The following MYT1L variants were observed in gnomAD, a reference collection of about 807,000 sequenced individuals.
The protein encoded by MYT1L is myelin transcription factor 1 like.
In MYT1L, 12 loss-of-function variants were observed where a neutral mutation model predicts 126.7. The observed-to-expected ratio is 0.09, with a 90% CI of 0.06 to 0.15. MYT1L has a LOEUF of 0.15. Ranked by LOEUF, MYT1L falls within the 10% of genes least tolerant of loss-of-function variation. The probability of loss-of-function intolerance (pLI) is 1.00; values close to 1 mark genes in which losing one functional copy is unlikely to be tolerated. For missense variants in MYT1L, 979 were observed against 1,585.2 expected (o/e 0.62, Z 6.49); for synonymous variants, 541 against 604.2 (o/e 0.90, Z 1.53).
chr2:1,797,684 C>T (rs76386191), intron 23 of MYT1L, among the ~76,000 whole-genome samples: 4,396 of 152,336 alleles, frequency 0.029, 123 homozygotes, highest in Middle Eastern at 0.082. Context: ...AAATTGGAAA[C>T]CTCATCTTCT....
chr2:1,834,888 G>T (rs111226657), intron 21 of MYT1L, among the ~76,000 whole-genome samples: 9 of 76,846 alleles, frequency 1.2e-4, no homozygotes, highest in East Asian at 6.7e-4. Flanking sequence ...CATACCATGG[G>T]GATGGATACA....
intron 4 of MYT1L, among the ~76,000 whole-genome samples, chr2:2,052,368 T>C (rs972512394): frequency 6.6e-6 from 1 of 152,186 alleles, no homozygotes; most frequent in African/African-American, 2.4e-5. Context: ...CTTCCTGACA[T>C]TGGATTTGGC....
intron 18 of MYT1L, among the ~76,000 whole-genome samples, chr2:1,865,373 G>A (rs10195387): frequency 0.057 from 8,663 of 152,240 alleles, 309 homozygotes; most frequent in Non-Finnish European, 0.072. Flanking sequence ...TGTGGCCAAA[G>A]AGCCCCGGAG....
At chr2:1,945,056 T>C (rs918241765) in intron 8 of MYT1L, among the ~76,000 whole-genome samples, 8 of 152,086 alleles carry the variant, frequency 5.3e-5, no homozygotes, top group Non-Finnish European at 1.2e-4. Context: ...CATGAACATA[T>C]GTAAGAACAC....
Position 1,922,268 on chromosome 2 carries a change from G to A in MYT1L, c.1483+18C>T, listed in dbSNP as rs377575088. 48 of 1,606,916 alleles carry A rather than the reference G, an allele frequency of 3.0e-5. No homozygotes were observed. The East Asian group carries it at 4.2e-4, about 14-fold the overall frequency. Reference sequence around the variant, plus strand: ...CTCATGTTTTCATGAGGCAACTTACGTTAGGTAGAAATATTACCTTTACCA... The same window carrying A: ...CTCATGTTTTCATGAGGCAACTTACATTAGGTAGAAATATTACCTTTACCA... On this transcript the variant is annotated intron_variant, in intron 10 of 24. Coordinates refer to ENST00000647738, the MANE Select transcript of MYT1L (RefSeq NM_001303052.2). This position sits in a 1 kb window ranked among gnomAD's most constrained non-coding sequence, Gnocchi z 7.4.
intron 14 of MYT1L, among the ~76,000 whole-genome samples, chr2:1,897,954 T>G (rs971429085): frequency 2.6e-5 from 4 of 152,140 alleles, no homozygotes; most frequent in Non-Finnish European, 5.9e-5. Context: ...CTTCAACTAT[T>G]CCATTTCCTC....
At chr2:2,299,263 A>T (rs1010550007) in intron 1 of MYT1L, among the ~76,000 whole-genome samples, 4 of 152,238 alleles carry the variant, frequency 2.6e-5, no homozygotes, top group Non-Finnish European at 5.9e-5. Context: ...ACCCATCAAT[A>T]TGTGGAGATC....
intron 3 of MYT1L, among the ~76,000 whole-genome samples, chr2:2,150,037 A>G (rs1373673458): frequency 6.6e-6 from 1 of 151,694 alleles, no homozygotes; most frequent in East Asian, 1.9e-4. Context: ...TTCCTCTCTC[A>G]CCTCGCCTCT....
chr2:1,905,630 A>G (rs1558347307), intron 13 of MYT1L, among the ~76,000 whole-genome samples: 1 of 152,230 alleles, frequency 6.6e-6, no homozygotes, highest in Non-Finnish European at 1.5e-5. Flanking sequence ...CTGGGATTAC[A>G]GGCGCCAGCA....
intron 14 of MYT1L, among the ~76,000 whole-genome samples, chr2:1,898,058 C>T (rs2049853398): frequency 6.6e-6 from 1 of 152,160 alleles, no homozygotes; most frequent in Admixed American, 6.5e-5. Flanking sequence ...AATACAAAAC[C>T]TTCCAGGTAG....
At chr2:2,184,929 T>A (rs115577340) in intron 2 of MYT1L, among the ~76,000 whole-genome samples, 1 of 152,192 alleles carries the variant, frequency 6.6e-6, no homozygotes, top group African/African-American at 2.4e-5. Context: ...ACCCCATGAG[T>A]AGTTGCATTG....
At chr2:1,832,920 C>G (rs2040379083) in intron 21 of MYT1L, among the ~76,000 whole-genome samples, 1 of 152,230 alleles carries the variant, frequency 6.6e-6, no homozygotes, top group African/African-American at 2.4e-5. Flanking sequence ...GGTCTCTTCT[C>G]TCCTCTAAAG....
intron 4 of MYT1L, among the ~76,000 whole-genome samples, chr2:2,017,386 C>T (rs149353214): frequency 4.6e-5 from 7 of 152,326 alleles, no homozygotes; most frequent in African/African-American, 9.6e-5. Context: ...CCAGTATGGA[C>T]GAGAGGACCT....
chr2:1,912,104 G>A lies in MYT1L; in HGVS notation c.1625C>T (p.Ala542Val). ...HKDRVPPEILAMHESVLKCPT... is the reference protein window; with the variant it reads ...HKDRVPPEILVMHESVLKCPT... ...GCACTTGAGGACACTTTCATGCATG[G>A]CAAGGACTTGACAGGGAGAGGCAAA... is the stretch of plus-strand genomic sequence containing the variant. The change falls in exon 12 of 25, where the codon GCC becomes GTC. Residue 542 changes from alanine (A) to valine (V), a missense_variant. Ala to Val is a moderately conservative substitution (Grantham distance 64, BLOSUM62 0). This residue lies in a region of MYT1L where 82 missense variants were observed against 177.2 expected (regional missense o/e 0.46). Transcript: ENST00000647738. This position sits in a 1 kb window ranked among gnomAD's most constrained non-coding sequence, Gnocchi z 4.3. The A allele has an allele frequency of 6.3e-7, 1 of 1,576,784 alleles. No homozygotes were observed. The highest frequency in any genetic ancestry group is 8.7e-7 in the Non-Finnish European group (1 of 1,153,852).
chr2:2,088,941 G>T (rs72767370), intron 3 of MYT1L, among the ~76,000 whole-genome samples: 6,466 of 152,108 alleles, frequency 0.043, 210 homozygotes, highest in Non-Finnish European at 0.065. Flanking sequence ...CCTGCTTTTT[G>T]CTTTTTTAAA....
At chr2:2,115,899 G>A (rs939867778) in intron 3 of MYT1L, among the ~76,000 whole-genome samples, 1 of 150,766 alleles carries the variant, frequency 6.6e-6, no homozygotes, top group East Asian at 2.0e-4. Context: ...ACGTCCAGTC[G>A]ATGAAAACAG....
intron 4 of MYT1L, among the ~76,000 whole-genome samples, chr2:2,033,425 C>T (rs1396334023): frequency 2.6e-5 from 4 of 151,444 alleles, no homozygotes; most frequent in Admixed American, 2.0e-4. Context: ...AGAGCAGATT[C>T]GAGAAGGAGG....
intron 21 of MYT1L, among the ~76,000 whole-genome samples, chr2:1,830,246 C>T (rs1164494545): frequency 6.6e-6 from 1 of 152,162 alleles, no homozygotes; most frequent in Non-Finnish European, 1.5e-5. Flanking sequence ...GCCCTGGCTC[C>T]GTCACTCACA....
intron 2 of MYT1L, among the ~76,000 whole-genome samples, chr2:2,226,332 T>C (rs891588430): frequency 6.6e-6 from 1 of 150,656 alleles, no homozygotes; most frequent in Non-Finnish European, 1.5e-5. Flanking sequence ...AGCATATTTG[T>C]TCTATAATAA....
Sources: allele counts gnomAD v4.1 joint callset (sites outside exome capture counted in the v4.1 genomes callset), GRCh38; gene constraint gnomAD v4.1.1; regional missense constraint gnomAD v4.1.1; non-coding constraint Gnocchi (gnomAD v3.1); transcripts MANE v1.5; gene names NCBI Gene and HGNC (gene_info 2026-07-23, HGNC 2026-07-21).